Variants in SCIN observed in about 807,000 individuals in gnomAD.
SCIN encodes adseverin.
Under a neutral mutation model 91.8 loss-of-function variants are expected in SCIN, and 91 were observed. That is an observed-to-expected ratio of 0.99 (90% CI 0.84 to 1.18). The LOEUF is 1.18. SCIN is among the 50% of genes most tolerant of loss of function. The pLI, the probability that SCIN is intolerant of heterozygous loss-of-function variation, is 0.00. For synonymous variants in SCIN, 367 were observed against 312.6 expected (o/e 1.17, Z -1.84); for missense variants, 1,087 against 863.9 (o/e 1.26, Z -3.24).
At chr7:12,612,579 C>T (rs751126981) in intron 4 of SCIN, among the ~76,000 whole-genome samples, 22 of 152,152 alleles carry the variant, frequency 1.4e-4, no homozygotes, top group Non-Finnish European at 3.2e-4. Flanking sequence ...CCCCAAGTTG[C>T]GACGCTCTCT....
At chr7:12,599,524 G>A (rs564372602) in intron 3 of SCIN, among the ~76,000 whole-genome samples, 54 of 152,058 alleles carry the variant, frequency 3.6e-4, no homozygotes, top group African/African-American at 1.3e-3. Flanking sequence ...CGTTTCTTCT[G>A]GATAGATACC....
intron 13 of SCIN, among the ~76,000 whole-genome samples, chr7:12,648,011 G>A (rs1331369928): frequency 6.6e-6 from 1 of 152,044 alleles, no homozygotes; most frequent in Non-Finnish European, 1.5e-5. Flanking sequence ...AAAGAATGGG[G>A]AACCATAATC....
rs1425223805 is a variant in SCIN, at chr7:12,656,003, G to C, written c.*3288G>C. 2.0e-5 allele frequency: 3 copies of C among 152,156 alleles called. No homozygotes were observed. Among genetic ancestry groups the C allele is most frequent in the Non-Finnish European group, 4.4e-5 (3 of 68,032 alleles). The allele number at this position is 152,156 out of a possible 1,614,324, so 9.4% of individuals were successfully genotyped here. A position where few individuals can be genotyped will look rare whatever the true frequency, so the allele number is the denominator to read the frequency against. Reference sequence around the variant, plus strand: ...GTCCTGCATTTACCTCTTGGTGCCGGAGAGCCTTGGTGAGCCATTTAGATC... The same window carrying C: ...GTCCTGCATTTACCTCTTGGTGCCGCAGAGCCTTGGTGAGCCATTTAGATC... On this transcript the variant is annotated 3_prime_UTR_variant, in exon 16 of 16. Transcript: ENST00000297029.
intron 2 of SCIN, among the ~76,000 whole-genome samples, chr7:12,579,859 A>G (rs1181112125): frequency 6.6e-6 from 1 of 152,208 alleles, no homozygotes; most frequent in Non-Finnish European, 1.5e-5. Context: ...GGTTGCAGTG[A>G]GGCGAGGTCA....
intron 1 of SCIN, among the ~76,000 whole-genome samples, chr7:12,573,021 G>GA (rs1158793733): frequency 6.6e-6 from 1 of 152,102 alleles, no homozygotes; most frequent in African/African-American, 2.4e-5. Context: ...AAAAAAATGA[G>GA]AGTACTTGGA....
rs1784122273 is a variant in SCIN at position 12,653,465 on chromosome 7, A to G, written c.*750A>G. Reference sequence around the variant, plus strand: ...GATGTGTATACTTGCAATAAGGTTTATGTTAAGGTGGCTTTAACAATTGGT... The same window carrying G: ...GATGTGTATACTTGCAATAAGGTTTGTGTTAAGGTGGCTTTAACAATTGGT... On this transcript the variant is annotated 3_prime_UTR_variant, in exon 16 of 16. Transcript: ENST00000297029. This position sits in a 1 kb window ranked among gnomAD's most constrained non-coding sequence, Gnocchi z 4.1. 6.6e-6 allele frequency: 1 copy of G among 152,212 alleles called. No individual in the cohort carries two copies. Among genetic ancestry groups the G allele is most frequent in the Non-Finnish European group, 1.5e-5 (1 of 68,036 alleles). 9.4% of individuals were successfully genotyped at this position (152,212 alleles called of 1,614,324 possible). A position where few individuals can be genotyped will look rare whatever the true frequency, so the allele number is the denominator to read the frequency against.
intron 1 of SCIN, among the ~76,000 whole-genome samples, chr7:12,576,614 G>A (rs537859872): frequency 2.6e-5 from 4 of 152,142 alleles, no homozygotes; most frequent in African/African-American, 4.8e-5. Context: ...AAATTGTACC[G>A]CTAATGAGAG....
At chr7:12,637,360 C>A (rs1215479114) in intron 10 of SCIN, among the ~76,000 whole-genome samples, 1 of 152,160 alleles carries the variant, frequency 6.6e-6, no homozygotes, top group Non-Finnish European at 1.5e-5. Context: ...AGCATGGGTC[C>A]TTATATTTCC....
chr7:12,604,148 T>C (rs2115249513), intron 3 of SCIN, among the ~76,000 whole-genome samples: 1 of 152,246 alleles, frequency 6.6e-6, no homozygotes, highest in Non-Finnish European at 1.5e-5. Context: ...ACAAAAATGT[T>C]ATATCCATTT....
chr7:12,627,534 C>T (rs1357856749), intron 8 of SCIN, among the ~76,000 whole-genome samples: 1 of 152,162 alleles, frequency 6.6e-6, no homozygotes, highest in Non-Finnish European at 1.5e-5. Flanking sequence ...TGAAATATTT[C>T]ATCTCTATAT....
At chr7:12,647,488 G>A (rs1221570444) in intron 13 of SCIN, among the ~76,000 whole-genome samples, 1 of 152,132 alleles carries the variant, frequency 6.6e-6, no homozygotes, top group Non-Finnish European at 1.5e-5. Flanking sequence ...GTACTTGCTG[G>A]CTGTGTGACT....
In SCIN at chr7:12,640,535, A is replaced by C; in HGVS notation, c.1581+18A>C. 6.3e-7 allele frequency: 1 copy of C among 1,588,394 alleles called. No individual in the cohort carries two copies. On this transcript the variant is annotated intron_variant, in intron 11 of 15. Transcript: ENST00000297029. Reference sequence around the variant, plus strand: ...TTGTGGAGGTAATGTCATGCATTCCATAAAACATGCCCTAGTTATGGACTT... The same window carrying C: ...TTGTGGAGGTAATGTCATGCATTCCCTAAAACATGCCCTAGTTATGGACTT...
intron 3 of SCIN, among the ~76,000 whole-genome samples, chr7:12,590,916 C>T (rs2115229047): frequency 6.6e-6 from 1 of 152,186 alleles, no homozygotes; most frequent in South Asian, 2.1e-4. Context: ...AATGTTGACT[C>T]GTTTGCCTTT....
intron 9 of SCIN, among the ~76,000 whole-genome samples, chr7:12,631,076 T>C (rs1188168327): frequency 6.6e-6 from 1 of 152,052 alleles, no homozygotes; most frequent in African/African-American, 2.4e-5. Context: ...TGCAAAAGAG[T>C]GTTTTGAGGA....
At chr7:12,585,478 TC>T (rs1472385515) in intron 3 of SCIN, among the ~76,000 whole-genome samples, 1 of 152,178 alleles carries the variant, frequency 6.6e-6, no homozygotes, top group African/African-American at 2.4e-5. Context: ...CATGAGTCAA[TC>T]TAAACTTTAA....
intron 9 of SCIN, among the ~76,000 whole-genome samples, chr7:12,635,425 C>T (rs1783727878): frequency 6.6e-6 from 1 of 150,924 alleles, no homozygotes; most frequent in Non-Finnish European, 1.5e-5. Context: ...GCCTGGCCAA[C>T]ATAGTGACAC....
chr7:12,578,132 G>C lies in SCIN; in HGVS notation c.268G>C (p.Gly90Arg), dbSNP rs773637685. ...IFTVQMDDYL[G>R]GKPVQNRELQ... Reference sequence around the variant, plus strand: ...CACTGTTCAGATGGATGACTATTTGGGTGGCAAGCCAGTGCAGAATAGAGA... The same window carrying C: ...CACTGTTCAGATGGATGACTATTTGCGTGGCAAGCCAGTGCAGAATAGAGA... The change falls in exon 2 of 16, where the codon GGT becomes CGT. Residue 90 changes from glycine to arginine, a missense_variant. Coordinates refer to ENST00000297029, the MANE Select transcript of SCIN (RefSeq NM_001112706.3). 5.2e-6 allele frequency: 8 copies of C among 1,551,152 alleles called. No individual in the cohort carries two copies. The Middle Eastern group carries it at 1.0e-3, about 194-fold the overall frequency.
intron 3 of SCIN, among the ~76,000 whole-genome samples, chr7:12,599,272 T>C (rs1782907238): frequency 6.6e-6 from 1 of 152,230 alleles, no homozygotes; most frequent in South Asian, 2.1e-4. Flanking sequence ...TAGAAGTCTG[T>C]ATTCTCAGAC....
In SCIN at chr7:12,656,895, G is replaced by A. The variant is rs1784173090; in HGVS notation, c.*4180G>A. ...AGTACGCGCCACTGTACTCCAGCCT[G>A]CGTGACGATGAGAGTCTCCGTCTCG... On this transcript the variant is annotated 3_prime_UTR_variant, in exon 16 of 16. Coordinates refer to ENST00000297029, the MANE Select transcript of SCIN (RefSeq NM_001112706.3). 1 of 151,682 alleles carries A rather than the reference G, an allele frequency of 6.6e-6. No individual in the cohort carries two copies. The highest frequency in any genetic ancestry group is 2.4e-5 in the African/African-American group (1 of 41,252). 9.4% of individuals were successfully genotyped at this position (151,682 alleles called of 1,614,324 possible).
Sources: allele counts gnomAD v4.1 joint callset (sites outside exome capture counted in the v4.1 genomes callset), GRCh38; gene constraint gnomAD v4.1.1; non-coding constraint Gnocchi (gnomAD v3.1); transcripts MANE v1.5; gene names NCBI Gene and HGNC (gene_info 2026-07-23, HGNC 2026-07-21).